The following TENM4 variants were observed in gnomAD, a reference collection of about 807,000 sequenced individuals.
The protein encoded by TENM4 is teneurin-4.
In TENM4, 82 loss-of-function variants were observed where a neutral mutation model predicts 243.3. That is an observed-to-expected ratio of 0.34 (90% CI 0.28 to 0.40). TENM4 has a LOEUF of 0.40. Ranked by LOEUF, TENM4 falls within the 10% of genes least tolerant of loss-of-function variation. The pLI is 1.00. For synonymous variants in TENM4, 1,412 were observed against 1,456.3 expected (o/e 0.97, Z 0.69); for missense variants, 3,138 against 3,673.3 (o/e 0.85, Z 3.77).
chr11:78,674,887 ACAGAGT>A (rs1858426068), intron 30 of TENM4, among the ~76,000 whole-genome samples: 1 of 150,096 alleles, frequency 6.7e-6, no homozygotes, highest in Admixed American at 6.6e-5. Flanking sequence ...TTTTTTTGAG[ACAGAGT>A]CTTACTCTGT....
Position 78,656,578 on chromosome 11 carries a change from T to G in TENM4, c.*1480A>C, listed in dbSNP as rs1208509252. 1.3e-5 allele frequency: 2 copies of G among 153,136 alleles called. No individual in the cohort carries two copies. The highest frequency in any genetic ancestry group is 2.9e-5 in the Non-Finnish European group (2 of 68,724). The allele number at this position is 153,136 out of a possible 1,614,324, so 9.5% of individuals were successfully genotyped here. A position where few individuals can be genotyped will look rare whatever the true frequency, so the allele number is the denominator to read the frequency against. ...GGGCTGTCCCTGCTTCTGAGAGGGC[T>G]CAGGCCTCTCCCTGACGACACAGGC... On this transcript the variant is annotated 3_prime_UTR_variant, in exon 34 of 34. Transcript: ENST00000278550.
chr11:79,228,748 G>T (rs1864322584), intron 2 of TENM4, among the ~76,000 whole-genome samples: 1 of 152,046 alleles, frequency 6.6e-6, no homozygotes, highest in Non-Finnish European at 1.5e-5. Context: ...TTTTAAACCA[G>T]TTAGAGATTA....
In TENM4 at chr11:79,328,767, C is replaced by T. The variant is rs578075185; in HGVS notation, c.-320-31224G>A. On this transcript the variant is annotated intron_variant, in intron 1 of 33. Transcript: ENST00000278550. Reference sequence around the variant, plus strand: ...CATTTACTGAACACCCACTATGTACCATGCCTGATGTTAAGCATGCATATA... The same window carrying T: ...CATTTACTGAACACCCACTATGTACTATGCCTGATGTTAAGCATGCATATA... 2.1e-5 allele frequency among the ~76,000 whole-genome samples: 3 copies of T among 140,808 alleles called. No individual in the cohort carries two copies. The South Asian group carries it at 7.6e-4, about 36-fold the overall frequency. 92.4% of individuals were successfully genotyped at this position (140,808 alleles called of 152,430 possible).
At chr11:78,788,805 G>A in intron 15 of TENM4, among the ~76,000 whole-genome samples, 1 of 152,264 alleles carries the variant, frequency 6.6e-6, no homozygotes, top group South Asian at 2.1e-4. Flanking sequence ...TCTCTTCTGG[G>A]TGTCAGTTTC....
At chr11:79,409,713 C>T (rs923920781) in intron 1 of TENM4, among the ~76,000 whole-genome samples, 6 of 152,202 alleles carry the variant, frequency 3.9e-5, no homozygotes, top group Non-Finnish European at 8.8e-5. Flanking sequence ...GCTTCCACTC[C>T]ATAAATGCTT....
intron 16 of TENM4, among the ~76,000 whole-genome samples, chr11:78,781,061 A>G (rs879338933): frequency 6.6e-5 from 10 of 152,216 alleles, no homozygotes; most frequent in East Asian, 3.8e-4. Flanking sequence ...GTCTCTGGCT[A>G]TTGAAAATGG....
In TENM4 at chr11:79,135,117, G is replaced by T. The variant is rs934437974; in HGVS notation, c.-66+13593C>A. Among the ~76,000 whole-genome samples, 4 of 152,174 alleles carry T rather than the reference G, an allele frequency of 2.6e-5. No individual in the cohort carries two copies. In the East Asian group the frequency reaches 7.7e-4, roughly 29 times the overall value. ...ACACCTGACAAAGGACTAATATCCA[G>T]AATCTACAATGAACTTAAACAAATC... On this transcript the variant is annotated intron_variant, in intron 4 of 33. Transcript: ENST00000278550.
chr11:79,437,843 C>T (rs982889963), intron 1 of TENM4, among the ~76,000 whole-genome samples: 1 of 152,198 alleles, frequency 6.6e-6, no homozygotes, highest in South Asian at 2.1e-4. Context: ...CCTGGATTCC[C>T]ACGGCTGGAC....
rs556868302 is a variant in TENM4, at chr11:79,168,196, CCCTCAGCAATCT to C, written c.-162-19402_-162-19391del. 4.2e-3 allele frequency among the ~76,000 whole-genome samples: 636 copies of C among 152,296 alleles called. 3 individuals carry two copies. The highest frequency in any genetic ancestry group is 0.015 in the African/African-American group (607 of 41,570). ...CCATTCCAGCTGGACCTCAAGCCATCCCTCAGCAATCTCCTAAGCACCTATATGTGGCAGAAC... is the reference window on the plus strand; with the variant it reads ...CCATTCCAGCTGGACCTCAAGCCATCCCTAAGCACCTATATGTGGCAGAAC... On this transcript the variant is annotated intron_variant, in intron 3 of 33. Coordinates refer to ENST00000278550, the MANE Select transcript of TENM4 (RefSeq NM_001098816.3).
In TENM4 at chr11:78,904,359, C is replaced by CAAAAAAAAAAAAAAAAAAA. The variant is rs61503457; in HGVS notation, c.494-837_494-836insTTTTTTTTTTTTTTTTTTT. Among the ~76,000 whole-genome samples the CAAAAAAAAAAAAAAAAAAA allele has an allele frequency of 1.5e-3, 115 of 77,178 alleles. 6 individuals carry two copies. Among genetic ancestry groups the CAAAAAAAAAAAAAAAAAAA allele is most frequent in the African/African-American group, 6.9e-3 (91 of 13,156 alleles). The allele number at this position is 77,178 out of a possible 152,430, so 50.6% of individuals were successfully genotyped here. A position where few individuals can be genotyped will look rare whatever the true frequency, so the allele number is the denominator to read the frequency against. On this transcript the variant is annotated intron_variant, in intron 6 of 33. Coordinates refer to ENST00000278550, the MANE Select transcript of TENM4 (RefSeq NM_001098816.3). ...TGAGCTACAGAGCAAGACTCTGTCT[C>CAAAAAAAAAAAAAAAAAAA]AAAAAAAAAAAAAAAAGTAAAACAT...
At chr11:78,735,441 T>G (rs189312541) in intron 20 of TENM4, among the ~76,000 whole-genome samples, 1 of 152,338 alleles carries the variant, frequency 6.6e-6, no homozygotes, top group East Asian at 1.9e-4. Context: ...TAAGCTCCCT[T>G]CATGAGAGGC....
At chr11:78,674,365 G>A (rs1038838944) in intron 30 of TENM4, among the ~76,000 whole-genome samples, 5 of 152,190 alleles carry the variant, frequency 3.3e-5, no homozygotes, top group Non-Finnish European at 5.9e-5. Flanking sequence ...ACATGTAGAC[G>A]TGGCCACCCG....
intron 22 of TENM4, 128 bp downstream of exon 22, chr11:78,729,248 C>T (rs746922312): frequency 1.4e-4 from 151 of 1,069,752 alleles, no homozygotes; most frequent in Non-Finnish European, 1.9e-4. Flanking sequence ...ACGGACAGGT[C>T]TTAAAGGTCA....
At chr11:78,969,257 TC>T (rs1399122199) in intron 6 of TENM4, among the ~76,000 whole-genome samples, 2 of 152,122 alleles carry the variant, frequency 1.3e-5, no homozygotes, top group African/African-American at 4.8e-5. Context: ...TTTGGTGATA[TC>T]AAAAAAAGGG....
chr11:79,339,013 G>A (rs541116195), intron 1 of TENM4, among the ~76,000 whole-genome samples: 1 of 152,286 alleles, frequency 6.6e-6, no homozygotes, highest in South Asian at 2.1e-4. Context: ...GAGCTGTGTT[G>A]GCAACGCCTG....
At chr11:79,271,020 C>G (rs1855959642) in intron 2 of TENM4, among the ~76,000 whole-genome samples, 1 of 152,134 alleles carries the variant, frequency 6.6e-6, no homozygotes, top group Non-Finnish European at 1.5e-5. Flanking sequence ...AAACTCTGAT[C>G]TAGGTCATTG....
chr11:79,165,914 G>T (rs1385096808), intron 3 of TENM4, among the ~76,000 whole-genome samples: 1 of 152,104 alleles, frequency 6.6e-6, no homozygotes, highest in Non-Finnish European at 1.5e-5. Context: ...CCCACTTTAT[G>T]TTGTTGTTTG....
intron 12 of TENM4, among the ~76,000 whole-genome samples, chr11:78,824,503 CTTT>C (rs35834549): frequency 5.1e-5 from 7 of 137,024 alleles, no homozygotes; most frequent in Admixed American, 7.2e-5. Flanking sequence ...TTCTTTCTTT[CTTT>C]TTTTTTTTTT....
intron 2 of TENM4, among the ~76,000 whole-genome samples, chr11:79,234,790 G>A (rs1431485340): frequency 6.6e-6 from 1 of 152,178 alleles, no homozygotes; most frequent in Non-Finnish European, 1.5e-5. Context: ...CTTCCCTTAG[G>A]AAAAGAAACA....
Sources: gnomAD v4.1 joint callset for allele counts (sites outside exome capture counted in the v4.1 genomes callset) on GRCh38, gnomAD v4.1.1 for gene constraint, MANE v1.5 for transcripts, NCBI Gene and HGNC (gene_info 2026-07-23, HGNC 2026-07-21) for gene names.